The following DNAJC16 variants were observed in gnomAD, a reference collection of about 807,000 sequenced individuals.
DNAJC16 encodes DnaJ heat shock protein family (Hsp40) member C16.
A neutral mutation model predicts 92.7 loss-of-function variants in DNAJC16; 76 were observed. The observed-to-expected ratio is 0.82, with a 90% CI of 0.68 to 0.99. The LOEUF (loss-of-function observed/expected upper bound fraction) is 0.99. Ranked by LOEUF, DNAJC16 falls within the 50% of genes least tolerant of loss-of-function variation. DNAJC16 has a pLI of 0.00. For synonymous variants in DNAJC16, 328 were observed against 358.7 expected (o/e 0.91, Z 0.97); for missense variants, 869 against 942.4 (o/e 0.92, Z 1.02).
In DNAJC16 at chr1:15,562,217, G is replaced by A; in HGVS notation, c.1230G>A (p.Leu410=). 6.2e-7 allele frequency: 1 copy of A among 1,614,112 alleles called. No individual in the cohort carries two copies. The highest frequency in any genetic ancestry group is 8.5e-7 in the Non-Finnish European group (1 of 1,179,994). ...TTGAGGCTTTCCTGTCCTTTGCCCT[G>A]GCAAACACTCAAGACACAGTGAGAT... ...KPFEAFLSFA[L]ANTQDTVRFV... is the part of the protein sequence containing the mutation. Residue 410 remains leucine, a synonymous_variant, in exon 9 of 15, where the codon CTG becomes CTA. Transcript: ENST00000375847.
intron 1 of DNAJC16, among the ~76,000 whole-genome samples, chr1:15,528,324 CT>C (rs1710569597): frequency 6.6e-6 from 1 of 152,082 alleles, no homozygotes; most frequent in South Asian, 2.1e-4. Flanking sequence ...ATCCCAGCTA[CT>C]GGGGAGGCTG....
At chr1:15,553,463 AC>A (rs1638494995) in intron 7 of DNAJC16, among the ~76,000 whole-genome samples, 1 of 151,902 alleles carries the variant, frequency 6.6e-6, no homozygotes, top group South Asian at 2.1e-4. Flanking sequence ...CGAACTCCTG[AC>A]CTCAGATGAT....
At position 15,568,248 on chromosome 1, in the gene DNAJC16, C is replaced by A; in HGVS notation, c.*71C>A. ...CCCCTGTGAACAGGTATTTTCAGGA[C>A]TCAAACTACCACAATGAACAGAGTA... On this transcript the variant is annotated 3_prime_UTR_variant, in exon 15 of 15. Transcript: ENST00000375847. 1 of 1,240,486 alleles carries A rather than the reference C, an allele frequency of 8.1e-7. No homozygotes were observed. The highest frequency in any genetic ancestry group is 1.1e-6 in the Non-Finnish European group (1 of 881,726). 76.8% of individuals were successfully genotyped at this position (1,240,486 alleles called of 1,614,324 possible).
At chr1:15,531,314 CATTGAAAATATATTTTTAAAATA>C (rs1202938084) in intron 2 of DNAJC16, among the ~76,000 whole-genome samples, 1 of 152,188 alleles carries the variant, frequency 6.6e-6, no homozygotes, top group Non-Finnish European at 1.5e-5. Flanking sequence ...AGGTAAAGAT[CATTGAAAATATATTTTTAAAATA>C]AATGTTTTAG....
At chr1:15,541,318 G>C (rs1710926736) in intron 4 of DNAJC16, among the ~76,000 whole-genome samples, 1 of 151,992 alleles carries the variant, frequency 6.6e-6, no homozygotes, top group African/African-American at 2.4e-5. Context: ...TCCATTTATT[G>C]ACATTGTTCC....
intron 7 of DNAJC16, among the ~76,000 whole-genome samples, chr1:15,556,482 C>T (rs983041874): frequency 6.6e-6 from 1 of 152,190 alleles, no homozygotes; most frequent in Non-Finnish European, 1.5e-5. Flanking sequence ...CCTCGGCCTC[C>T]CACTGTGCTG....
At chr1:15,539,531 C>A (rs1410790260) in intron 4 of DNAJC16, among the ~76,000 whole-genome samples, 1 of 151,984 alleles carries the variant, frequency 6.6e-6, no homozygotes, top group Non-Finnish European at 1.5e-5. Flanking sequence ...CAGGTGTGAG[C>A]CACCACGCCT....
At chr1:15,564,475 G>A in intron 11 of DNAJC16, 116 bp downstream of exon 11, 1 of 714,652 alleles carries the variant, frequency 1.4e-6, no homozygotes, top group Non-Finnish European at 2.5e-6. Flanking sequence ...GGGGCAAGTG[G>A]AAGAACGTTT....
chr1:15,534,259 C>T lies in DNAJC16; in HGVS notation c.190C>T (p.Pro64Ser), dbSNP rs1201439989. The stretch of plus-strand genomic sequence containing the variant: ...CAGGCATCCTGACAAAAACAAAGAT[C>T]CTGGAGCAGAAGACAAGTTCATTCA... ...REWHPDKNKD[P>S]GAEDKFIQIS... is the part of the protein sequence containing the mutation. Residue 64 changes from proline (P) to serine (S), a missense_variant, in exon 3 of 15, where the codon CCT becomes TCT. Pro to Ser is a moderately conservative substitution (Grantham distance 74). Coordinates refer to ENST00000375847, the MANE Select transcript of DNAJC16 (RefSeq NM_015291.4). 1 of 1,614,020 alleles carries T rather than the reference C, an allele frequency of 6.2e-7. No homozygotes were observed. Among genetic ancestry groups the T allele is most frequent in the Non-Finnish European group, 8.5e-7 (1 of 1,179,986 alleles).
intron 2 of DNAJC16, among the ~76,000 whole-genome samples, chr1:15,531,207 T>G (rs1042238632): frequency 6.6e-6 from 1 of 152,192 alleles, no homozygotes. Flanking sequence ...ACTGCCACAT[T>G]GAGGTGATGC....
chr1:15,543,166 A>G (rs1358149267), intron 4 of DNAJC16, among the ~76,000 whole-genome samples: 2 of 152,230 alleles, frequency 1.3e-5, no homozygotes, highest in African/African-American at 4.8e-5. Context: ...GAGACAGACA[A>G]TAAACAATTG....
chr1:15,552,972 G>T (rs1638482202), intron 7 of DNAJC16, among the ~76,000 whole-genome samples: 1 of 151,820 alleles, frequency 6.6e-6, no homozygotes, highest in Admixed American at 6.6e-5. Context: ...GTTTCACCAT[G>T]TTGGCCAGGC....
In DNAJC16 at chr1:15,569,463, C is replaced by T. The variant is rs1028175498; in HGVS notation, c.*1286C>T. The T allele has an allele frequency of 6.6e-6, 1 of 152,114 alleles. No individual in the cohort carries two copies. Among genetic ancestry groups the T allele is most frequent in the Non-Finnish European group, 1.5e-5 (1 of 68,046 alleles). 9.4% of individuals were successfully genotyped at this position (152,114 alleles called of 1,614,324 possible). The stretch of plus-strand genomic sequence containing the variant: ...ATAGTGGACCCCAGGGTGCCTCATA[C>T]CAGCCAGTTAGAGAGCATACCTTTT... On this transcript the variant is annotated 3_prime_UTR_variant, in exon 15 of 15. Coordinates refer to ENST00000375847, the MANE Select transcript of DNAJC16 (RefSeq NM_015291.4).
intron 7 of DNAJC16, among the ~76,000 whole-genome samples, chr1:15,559,272 G>A (rs547558705): frequency 3.5e-4 from 54 of 152,238 alleles, no homozygotes; most frequent in African/African-American, 1.0e-3. Flanking sequence ...GCATAAAACA[G>A]TGAATAAAAA....
intron 7 of DNAJC16, among the ~76,000 whole-genome samples, chr1:15,554,279 G>A: frequency 6.6e-6 from 1 of 151,850 alleles, no homozygotes; most frequent in East Asian, 1.9e-4. Flanking sequence ...ATTGTTGACA[G>A]AGTTTTTCCA....
chr1:15,567,034 C>A (rs1638825940), intron 13 of DNAJC16, 65 bp from the exon 14 acceptor site: 1 of 1,481,958 alleles, frequency 6.7e-7, no homozygotes, highest in Non-Finnish European at 9.3e-7. Context: ...TCAGCTGTTT[C>A]TTTTCAAAGT....
chr1:15,529,045 AG>A, intron 1 of DNAJC16, 42 bp from the exon 2 acceptor site: 1 of 1,572,638 alleles, frequency 6.4e-7, no homozygotes, highest in East Asian at 2.3e-5. Flanking sequence ...AAGACTGTCC[AG>A]GTTTCTGCCA....
chr1:15,536,418 A>C, intron 3 of DNAJC16, 57 bp from the exon 4 acceptor site: 1 of 1,426,308 alleles, frequency 7.0e-7, no homozygotes, highest in Non-Finnish European at 9.3e-7. Flanking sequence ...GCTGCTTACA[A>C]AAAAGTCTTT....
At chr1:15,555,995 A>AC (rs1360068214) in intron 7 of DNAJC16, among the ~76,000 whole-genome samples, 2 of 150,692 alleles carry the variant, frequency 1.3e-5, no homozygotes, top group Non-Finnish European at 3.0e-5. Flanking sequence ...CCATCTCAAA[A>AC]AAAAAAAAAA....
Sources: allele counts gnomAD v4.1 joint callset (sites outside exome capture counted in the v4.1 genomes callset), GRCh38; gene constraint gnomAD v4.1.1; transcripts MANE v1.5; gene names NCBI Gene and HGNC (gene_info 2026-07-23, HGNC 2026-07-21).